Variants in PROK1 observed in about 807,000 individuals in gnomAD.
PROK1 encodes prokineticin 1.
In PROK1, 10 loss-of-function variants were observed where a neutral mutation model predicts 8.8. The ratio of observed to expected loss-of-function variants is 1.13; its 90% CI spans 0.70 to 1.92. PROK1 has a LOEUF of 1.92. PROK1 is among the 30% of genes most tolerant of loss of function. PROK1 has a pLI of 0.00. For missense variants in PROK1, 140 were observed against 139.7 expected (o/e 1.00, Z -0.01); for synonymous variants, 57 against 56.0 (o/e 1.02, Z -0.08).
At chr1:110,454,128 C>A (rs762206441) in intron 2 of PROK1, 42 bp downstream of exon 2, 2 of 1,603,770 alleles carry the variant, frequency 1.2e-6, no homozygotes, top group South Asian at 2.2e-5. Flanking sequence ...TGTGGGTGGG[C>A]CATGCGGGGA....
intron 2 of PROK1, 69 bp downstream of exon 2, chr1:110,454,155 T>C: frequency 6.4e-7 from 1 of 1,570,338 alleles, no homozygotes; most frequent in Non-Finnish European, 8.6e-7. Context: ...GGTGATGTCC[T>C]GGGGCCTTGC....
Position 110,456,365 on chromosome 1 carries a change from C to T in PROK1, c.*14C>T. On this transcript the variant is annotated 3_prime_UTR_variant, in exon 3 of 3. Coordinates refer to ENST00000271331, the MANE Select transcript of PROK1 (RefSeq NM_032414.3). ...ATCAATTTTTAGGCGCTTGCCTGGT[C>T]TCAGGATACCCACCATCCTTTTCCT... The T allele has an allele frequency of 6.2e-7, 1 of 1,613,626 alleles. No individual in the cohort carries two copies. Among genetic ancestry groups the T allele is most frequent in the Non-Finnish European group, 8.5e-7 (1 of 1,180,024 alleles).
chr1:110,452,903 C>T (rs902926069), intron 1 of PROK1, among the ~76,000 whole-genome samples: 4 of 152,184 alleles, frequency 2.6e-5, no homozygotes, highest in Admixed American at 1.3e-4. Context: ...TTTCCTTTAC[C>T]CCAACCCCAA....
At chr1:110,453,377 G>A (rs750728125) in intron 1 of PROK1, among the ~76,000 whole-genome samples, 14 of 152,150 alleles carry the variant, frequency 9.2e-5, no homozygotes, top group Non-Finnish European at 1.3e-4. Context: ...GATCCTCTCT[G>A]GGAATCATGG....
chr1:110,454,054 G>A lies in PROK1; in HGVS notation c.166G>A (p.Glu56Lys). The change falls in exon 2 of 3, where the codon GAA (glutamate) becomes AAA (lysine). Residue 56 changes from glutamate to lysine, a missense_variant. By Grantham distance (56) the Glu-to-Lys change is moderately conservative. Coordinates refer to ENST00000271331, the MANE Select transcript of PROK1 (RefSeq NM_032414.3). Reference protein sequence around the residue: ...GLRMCTPLGREGEECHPGSHK... With the variant: ...GLRMCTPLGRKGEECHPGSHK... Reference sequence around the variant, plus strand: ...GCGGATGTGCACCCCGCTGGGGCGGGAAGGCGAGGAGTGCCACCCCGGCAG... The same window carrying A: ...GCGGATGTGCACCCCGCTGGGGCGGAAAGGCGAGGAGTGCCACCCCGGCAG... The A allele has an allele frequency of 6.2e-7, 1 of 1,613,908 alleles. No individual in the cohort carries two copies. Among genetic ancestry groups the A allele is most frequent in the East Asian group, 2.2e-5 (1 of 44,888 alleles).
At chr1:110,452,580 C>T (rs533439827) in intron 1 of PROK1, among the ~76,000 whole-genome samples, 3 of 152,256 alleles carry the variant, frequency 2.0e-5, no homozygotes, top group East Asian at 3.9e-4. Flanking sequence ...GATCTGAGAG[C>T]GGCAGGCAAA....
Position 110,456,224 on chromosome 1 carries a change from C to T in PROK1, c.199-8C>T, listed in dbSNP as rs1435990711. 1 of 1,611,384 alleles carries T rather than the reference C, an allele frequency of 6.2e-7. No homozygotes were observed. The highest frequency in any genetic ancestry group is 2.2e-5 in the East Asian group (1 of 44,868). On this transcript the variant is annotated splice_region_variant and splice_polypyrimidine_tract_variant and intron_variant, in intron 2 of 2. Coordinates refer to ENST00000271331, the MANE Select transcript of PROK1 (RefSeq NM_032414.3). ...TTTGGTGAAGGTGTTGATTTCTTCT[C>T]TCCTTAGGTCCCCTTCTTCAGGAAA...
chr1:110,452,450 G>C (rs1456724381), intron 1 of PROK1, among the ~76,000 whole-genome samples: 1 of 152,220 alleles, frequency 6.6e-6, no homozygotes, highest in African/African-American at 2.4e-5. Context: ...AAGAACAATG[G>C]AGAGAAGCCC....
intron 1 of PROK1, 118 bp from the exon 2 acceptor site, chr1:110,453,843 G>T (rs1664127645): frequency 2.2e-6 from 3 of 1,367,084 alleles, no homozygotes; most frequent in Non-Finnish European, 3.1e-6. Flanking sequence ...TAAGGCCGGG[G>T]GTGATACTCT....
At chr1:110,453,348 C>T (rs563811735) in intron 1 of PROK1, among the ~76,000 whole-genome samples, 1 of 152,300 alleles carries the variant, frequency 6.6e-6, no homozygotes, top group Non-Finnish European at 1.5e-5. Context: ...CAGGCAGGGC[C>T]GCTCAGCTCC....
chr1:110,452,848 G>A (rs928583218), intron 1 of PROK1, among the ~76,000 whole-genome samples: 3 of 152,188 alleles, frequency 2.0e-5, no homozygotes, highest in Admixed American at 2.0e-4. Context: ...CCAAGAGTGG[G>A]ACAGTGATGC....
chr1:110,453,695 G>C (rs1037205636), intron 1 of PROK1, among the ~76,000 whole-genome samples: 1 of 152,216 alleles, frequency 6.6e-6, no homozygotes, highest in Non-Finnish European at 1.5e-5. Flanking sequence ...TGTCAGAAAA[G>C]GAGGACTGTC....
chr1:110,455,400 C>T (rs1664156851), intron 2 of PROK1, among the ~76,000 whole-genome samples: 1 of 152,254 alleles, frequency 6.6e-6, no homozygotes, highest in Non-Finnish European at 1.5e-5. Context: ...GTTTCTCTCC[C>T]AATCACAGCC....
chr1:110,456,333 G>T lies in PROK1; in HGVS notation c.300G>T (p.Leu100Phe), dbSNP rs753867092. Residue 100 changes from leucine to phenylalanine, a missense_variant, in exon 3 of 3, where the codon TTG becomes TTT. By Grantham distance (22) the Leu-to-Phe change is conservative (BLOSUM62 0). Transcript: ENST00000271331. ...GCAGGTACCGCTGCTCCATGGACTT[G>T]AAGAACATCAATTTTTAGGCGCTTG... ...PDGRYRCSMD[L>F]KNINF is the part of the protein sequence containing the mutation. The T allele has an allele frequency of 3.1e-6, 5 of 1,614,034 alleles. No homozygotes were observed. Among genetic ancestry groups the T allele is most frequent in the African/African-American group, 2.7e-5 (2 of 75,028 alleles).
chr1:110,451,396 G>A, intron 1 of PROK1, 108 bp downstream of exon 1: 1 of 920,832 alleles, frequency 1.1e-6, no homozygotes. Context: ...TCAACACAGT[G>A]TGAACCAAAG....
intron 2 of PROK1, among the ~76,000 whole-genome samples, chr1:110,455,535 T>C (rs1185068310): frequency 6.6e-6 from 1 of 152,230 alleles, no homozygotes; most frequent in East Asian, 1.9e-4. Flanking sequence ...ATATTCCCAA[T>C]ACAGACAACA....
In PROK1 at chr1:110,454,187, G is replaced by C; in HGVS notation, c.198+101G>C. 10 of 1,461,466 alleles carry C rather than the reference G, an allele frequency of 6.8e-6. No homozygotes were observed. The South Asian group carries it at 1.3e-4, about 19-fold the overall frequency. 90.5% of individuals were successfully genotyped at this position (1,461,466 alleles called of 1,614,324 possible). The stretch of plus-strand genomic sequence containing the variant: ...TTGCTCTAGCTAGGAAGGCTAGAGA[G>C]GCTGGCTCCAGAGAGGCAGTCTAGG... On this transcript the variant is annotated intron_variant, in intron 2 of 2. Coordinates refer to ENST00000271331, the MANE Select transcript of PROK1 (RefSeq NM_032414.3).
chr1:110,453,945 T>C lies in PROK1; in HGVS notation c.73-16T>C. 6.2e-7 allele frequency: 1 copy of C among 1,614,150 alleles called. No individual in the cohort carries two copies. The highest frequency in any genetic ancestry group is 8.5e-7 in the Non-Finnish European group (1 of 1,180,000). On this transcript the variant is annotated splice_polypyrimidine_tract_variant and intron_variant, in intron 1 of 2. Coordinates refer to ENST00000271331, the MANE Select transcript of PROK1 (RefSeq NM_032414.3). The stretch of plus-strand genomic sequence containing the variant: ...GGTGCACTAATGAACTGTTCCCTTC[T>C]CTCTCCCTCCTACAGGCCTGTGAGC...
At chr1:110,452,398 T>C (rs576557220) in intron 1 of PROK1, among the ~76,000 whole-genome samples, 1 of 152,356 alleles carries the variant, frequency 6.6e-6, no homozygotes, top group Admixed American at 6.5e-5. Flanking sequence ...GTTTACACTG[T>C]AGGCTGCCCT....
Sources: allele counts gnomAD v4.1 joint callset (sites outside exome capture counted in the v4.1 genomes callset), GRCh38; gene constraint gnomAD v4.1.1; transcripts MANE v1.5; gene names NCBI Gene and HGNC (gene_info 2026-07-23, HGNC 2026-07-21).